The following PCNX1 variants were observed in gnomAD, a reference collection of about 807,000 sequenced individuals.
The protein encoded by PCNX1 is pecanex-like protein 1.
PCNX1 carries 78 observed loss-of-function variants against 242.2 expected under a neutral mutation model. The ratio of observed to expected loss-of-function variants is 0.32; its 90% confidence interval spans 0.27 to 0.39. The LOEUF is 0.39. Among genes scored for constraint, PCNX1 ranks in the 10% least tolerant of loss-of-function variants. The pLI is 1.00. For missense variants in PCNX1, 2,581 were observed against 2,856.5 expected, an observed-to-expected ratio of 0.90 and a Z score of 2.20; for synonymous variants, 1,024 against 1,032.9, an observed-to-expected ratio of 0.99 and a Z score of 0.17.
chr14:71,101,186 G>A (rs755707289), intron 30 of PCNX1, among the ~76,000 whole-genome samples: 34 of 152,112 alleles, frequency 2.2e-4, no homozygotes, highest in Non-Finnish European at 4.4e-4. Context: ...ACAGAAATTT[G>A]TCAGCCTCCC....
chr14:70,957,818 G>T (rs2058049788), intron 2 of PCNX1, among the ~76,000 whole-genome samples: 1 of 146,392 alleles, frequency 6.8e-6, no homozygotes. Context: ...ATATGTGTGT[G>T]TGTATGTATG....
chr14:71,073,823 C>CT (rs1355566151), intron 27 of PCNX1, 25 bp downstream of exon 27: 2 of 1,518,194 alleles, frequency 1.3e-6, no homozygotes, highest in Admixed American at 2.1e-5. Flanking sequence ...CTACTTAGAT[C>CT]TTTAGATAAT....
At chr14:70,943,338 G>C (rs2057333056) in intron 1 of PCNX1, among the ~76,000 whole-genome samples, 1 of 152,196 alleles carries the variant, frequency 6.6e-6, no homozygotes. Context: ...TGCTGATAGT[G>C]ATATGGACAA....
intron 7 of PCNX1, among the ~76,000 whole-genome samples, chr14:70,993,181 C>T (rs1166766663): frequency 6.7e-6 from 1 of 149,918 alleles, no homozygotes; most frequent in African/African-American, 2.5e-5. Context: ...AGTGCAGTGG[C>T]ACGATCTCGG....
In PCNX1 at chr14:71,011,347, T is replaced by C. The variant is rs370511038; in HGVS notation, c.2721-145T>C. Reference sequence around the variant, plus strand: ...TGTAGTCACTGACCCAGAGTCTATGTGCTTATCACAACTCTAGGAAAATGC... The same window carrying C: ...TGTAGTCACTGACCCAGAGTCTATGCGCTTATCACAACTCTAGGAAAATGC... On this transcript the variant is annotated intron_variant, in intron 9 of 35. Transcript: ENST00000304743. 775 of 646,302 alleles carry C rather than the reference T, an allele frequency of 1.2e-3. 4 individuals carry two copies. In the African/African-American group the frequency reaches 0.013, roughly 11 times the overall value. The allele number at this position is 646,302 out of a possible 1,614,324, so 40.0% of individuals were successfully genotyped here.
intron 8 of PCNX1, among the ~76,000 whole-genome samples, chr14:71,001,252 A>C (rs930399894): frequency 6.6e-6 from 1 of 152,166 alleles, no homozygotes; most frequent in Non-Finnish European, 1.5e-5. Flanking sequence ...TTTAGTGTAC[A>C]GCAGCTGTGA....
intron 28 of PCNX1, chr14:71,085,765 GTCA>G: frequency 3.0e-6 from 1 of 338,748 alleles, no homozygotes. Context: ...AGTCTTCTCA[GTCA>G]TAAGGCCCAG....
chr14:70,934,102 T>G (rs565013999), intron 1 of PCNX1, among the ~76,000 whole-genome samples: 2 of 152,362 alleles, frequency 1.3e-5, no homozygotes, highest in East Asian at 3.9e-4. Context: ...ACTTGAGTTT[T>G]TAAATGAAAT....
intron 1 of PCNX1, among the ~76,000 whole-genome samples, chr14:70,938,947 T>C (rs915466314): frequency 6.6e-6 from 1 of 152,196 alleles, no homozygotes; most frequent in Admixed American, 6.5e-5. Flanking sequence ...CTGATGGTAG[T>C]TTGTATTTCT....
At position 71,110,003 on chromosome 14, in the gene PCNX1, C is replaced by A. The variant is rs2062724858; in HGVS notation, c.*68C>A. The A allele has an allele frequency of 1.4e-6, 2 of 1,395,104 alleles. No individual in the cohort carries two copies. The highest frequency in any genetic ancestry group is 2.0e-6 in the Non-Finnish European group (2 of 983,192). The allele number at this position is 1,395,104 out of a possible 1,614,324, so 86.4% of individuals were successfully genotyped here. A position where few individuals can be genotyped will look rare whatever the true frequency, so the allele number is the denominator to read the frequency against. On this transcript the variant is annotated 3_prime_UTR_variant, in exon 36 of 36. Coordinates refer to ENST00000304743, the MANE Select transcript of PCNX1 (RefSeq NM_014982.3). ...CCAAGGCATTGGAAAAAGAGAGGAA[C>A]AAGCAGAAGATGCCTGCAGGTATCA...
At chr14:71,036,598 G>A (rs1350852943) in intron 19 of PCNX1, among the ~76,000 whole-genome samples, 2 of 152,200 alleles carry the variant, frequency 1.3e-5, no homozygotes, top group African/African-American at 4.8e-5. Flanking sequence ...CATAGCCTCA[G>A]TGATAGTAGG....
chr14:71,070,266 C>T (rs1227423949), intron 26 of PCNX1, among the ~76,000 whole-genome samples: 1 of 152,224 alleles, frequency 6.6e-6, no homozygotes, highest in East Asian at 1.9e-4. Context: ...TGAAACCCCA[C>T]AAAGTCATCC....
chr14:70,933,798 A>G (rs2056893872), intron 1 of PCNX1, among the ~76,000 whole-genome samples: 1 of 152,226 alleles, frequency 6.6e-6, no homozygotes. Context: ...TACCTTGCAC[A>G]TCATAATCAC....
chr14:71,017,551 AAAAAG>A (rs1397155007), intron 11 of PCNX1, among the ~76,000 whole-genome samples: 1 of 152,232 alleles, frequency 6.6e-6, no homozygotes, highest in Non-Finnish European at 1.5e-5. Context: ...CTTCTAGAAA[AAAAAG>A]AAAACAGGAG....
Position 71,073,596 on chromosome 14 carries a change from A to C in PCNX1, c.4904A>C (p.Glu1635Ala), listed in dbSNP as rs1015707408. 1.2e-6 allele frequency: 2 copies of C among 1,613,888 alleles called. No individual in the cohort carries two copies. The highest frequency in any genetic ancestry group is 1.7e-6 in the Non-Finnish European group (2 of 1,179,834). ...EVEAITEGVE[E>A]DEGFCCCEPG... ...GAGGCCATTACTGAAGGTGTAGAGG[A>C]AGATGAAGGATTTTGCTGTTGTGAA... The change falls in exon 27 of 36, where the codon GAA becomes GCA. Residue 1635 changes from glutamate (E) to alanine (A), a missense_variant. Transcript: ENST00000304743.
At chr14:70,962,394 C>A in intron 3 of PCNX1, 63 bp downstream of exon 3, 2 of 852,172 alleles carry the variant, frequency 2.3e-6, no homozygotes, top group South Asian at 1.4e-5. Context: ...CTCCGTTATT[C>A]TCGTGTCTTT....
Position 70,988,649 on chromosome 14 carries a change from T to G in PCNX1, c.2394T>G (p.Asn798Lys), listed in dbSNP as rs1250273838. Residue 798 changes from asparagine to lysine, a missense_variant, in exon 7 of 36, where the codon AAT (asparagine) becomes AAG (lysine). Coordinates refer to ENST00000304743, the MANE Select transcript of PCNX1 (RefSeq NM_014982.3). ...FRRQAVRRRH[N>K]AGSNPTPPTL... The stretch of plus-strand genomic sequence containing the variant: ...GCCAGGCAGTACGGCGCCGGCACAA[T>G]GCAGGGAGTAACCCTACCCCTCCTA... 4.3e-6 allele frequency: 7 copies of G among 1,614,070 alleles called. No homozygotes were observed. Among genetic ancestry groups the G allele is most frequent in the Non-Finnish European group, 5.9e-6 (7 of 1,179,962 alleles).
chr14:70,994,505 T>C (rs2059287955), intron 7 of PCNX1, among the ~76,000 whole-genome samples: 1 of 149,542 alleles, frequency 6.7e-6, no homozygotes, highest in African/African-American at 2.4e-5. Flanking sequence ...TTATGTGTAC[T>C]AGAGAAACAA....
chr14:70,962,391 A>T, intron 3 of PCNX1, 60 bp downstream of exon 3: 2 of 865,730 alleles, frequency 2.3e-6, no homozygotes, highest in Non-Finnish European at 4.0e-6. Context: ...GGTCTCCGTT[A>T]TTCTCGTGTC....
Sources: gnomAD v4.1 joint callset for allele counts (sites outside exome capture counted in the v4.1 genomes callset) on GRCh38, gnomAD v4.1.1 for gene constraint, MANE v1.5 for transcripts, NCBI Gene and HGNC (gene_info 2026-07-23, HGNC 2026-07-21) for gene names.